JAG2: variants seen among roughly 807,000 people sequenced by gnomAD.
JAG2 encodes protein jagged-2.
In JAG2, 46 loss-of-function variants were observed where a neutral mutation model predicts 141.7. The ratio of observed to expected loss-of-function variants is 0.32; its 90% CI spans 0.26 to 0.42. The LOEUF (loss-of-function observed/expected upper bound fraction) is 0.42, where lower values mean the gene tolerates loss of function less well. Among genes scored for constraint, JAG2 ranks in the 10% least tolerant of loss-of-function variants. JAG2 has a pLI of 1.00. For missense variants in JAG2, 1,500 were observed against 1,817.5 expected (o/e 0.83, Z 3.18); for synonymous variants, 862 against 763.5 (o/e 1.13, Z -2.13).
chr14:105,150,283 C>T (rs957932970), intron 12 of JAG2, among the ~76,000 whole-genome samples: 2 of 152,108 alleles, frequency 1.3e-5, no homozygotes, highest in Admixed American at 1.3e-4. Flanking sequence ...GTGCTCTGCC[C>T]ACCAGAGCCC....
Position 105,151,730 on chromosome 14 carries a change from G to A in JAG2, c.1049C>T (p.Ala350Val). 1.2e-6 allele frequency: 2 copies of A among 1,609,764 alleles called. No individual in the cohort carries two copies. Among genetic ancestry groups the A allele is most frequent in the East Asian group, 2.2e-5 (1 of 44,736 alleles). The stretch of plus-strand genomic sequence containing the variant: ...GTTGGCACACGGGTTGGAGGTGCAG[G>A]CGTGCTCAGCTGTAGAACCGCGGGG... ...SGRNCEKAEH[A>V]CTSNPCANGG... is the part of the protein sequence containing the mutation. The change falls in exon 8 of 26, where the codon GCC becomes GTC. Residue 350 changes from alanine to valine, a missense_variant. Ala to Val is a moderately conservative substitution (Grantham distance 64). Around this residue, in one of 3 missense-constraint regions of JAG2, gnomAD observed 875 missense variants for 1,202.2 expected, o/e 0.73. Coordinates refer to ENST00000331782, the MANE Select transcript of JAG2 (RefSeq NM_002226.5).
At position 105,149,030 on chromosome 14, in the gene JAG2, C is replaced by T. The variant is rs1020191973; in HGVS notation, c.1813G>A (p.Val605Met). Residue 605 changes from valine (V) to methionine (M), a missense_variant, in exon 14 of 26, where the codon GTG becomes ATG. Transcript: ENST00000331782. The stretch of plus-strand genomic sequence containing the variant: ...ACGCAGCGTCCATGGGGGCCACACA[C>T]GCCGGAGGCTGCTGTGCCAGGCATC... Reference protein sequence around the residue: ...PGMPGTAASGVCGPHGRCVSQ... With the variant: ...PGMPGTAASGMCGPHGRCVSQ... 5.0e-6 allele frequency: 8 copies of T among 1,607,094 alleles called. No individual in the cohort carries two copies. The Admixed American group carries it at 5.0e-5, about 10-fold the overall frequency.
intron 2 of JAG2, among the ~76,000 whole-genome samples, chr14:105,159,630 T>A (rs1372094427): frequency 1.4e-5 from 1 of 71,974 alleles, no homozygotes; most frequent in East Asian, 4.3e-4. Context: ...TCAATCCACA[T>A]CCCCCAACGG....
At chr14:105,148,619 G>A in intron 15 of JAG2, 126 bp downstream of exon 15, 1 of 966,556 alleles carries the variant, frequency 1.0e-6, no homozygotes, top group Non-Finnish European at 1.6e-6. Context: ...CATGGTGGCA[G>A]CACCCCCTGG....
chr14:105,146,818 G>A, intron 20 of JAG2, 94 bp from the exon 21 acceptor site: 1 of 993,118 alleles, frequency 1.0e-6, no homozygotes, highest in South Asian at 1.4e-5. Context: ...GTGGCACACA[G>A]GCGCAAGCCC....
chr14:105,144,398 C>T (rs189709031), intron 24 of JAG2, among the ~76,000 whole-genome samples: 1 of 152,274 alleles, frequency 6.6e-6, no homozygotes. Context: ...CACTGCACGT[C>T]CTTCCTGTGC....
rs755732041 is a variant in JAG2 at position 105,147,878 on chromosome 14, G to A, written c.2259C>T (p.Ser753=). The A allele has an allele frequency of 1.1e-5, 17 of 1,551,532 alleles. No individual in the cohort carries two copies. The highest frequency in any genetic ancestry group is 1.5e-5 in the Non-Finnish European group (17 of 1,148,726). The part of the protein sequence containing the change: ...KGSTCAVAKN[S]SCLPNPCVNG... ...TCACACAGGGGTTGGGCAGGCAGCT[G>A]CTGTTCTTGGCTGTAAGGAGAGGAG... The change falls in exon 18 of 26, where the codon AGC becomes AGT. Residue 753 remains serine (S), a synonymous_variant. Transcript: ENST00000331782.
At chr14:105,165,695 G>A (rs900742957) in intron 2 of JAG2, among the ~76,000 whole-genome samples, 1 of 152,160 alleles carries the variant, frequency 6.6e-6, no homozygotes, top group Non-Finnish European at 1.5e-5. Context: ...AGGGGGTGGA[G>A]GGAGCGAATG....
intron 2 of JAG2, among the ~76,000 whole-genome samples, chr14:105,165,180 G>A (rs587612241): frequency 6.6e-6 from 1 of 152,174 alleles, no homozygotes; most frequent in South Asian, 2.1e-4. Context: ...GGCTGCCCAG[G>A]TCACGGCCAA....
intron 2 of JAG2, among the ~76,000 whole-genome samples, chr14:105,164,120 T>C (rs1888840118): frequency 1.1e-5 from 1 of 90,274 alleles, no homozygotes; most frequent in Non-Finnish European, 2.1e-5. Flanking sequence ...CCTCCCAGCC[T>C]TCCTATCGTG....
intron 15 of JAG2, 148 bp downstream of exon 15, chr14:105,148,597 G>A (rs1888306457): frequency 1.1e-6 from 1 of 879,712 alleles, no homozygotes; most frequent in Non-Finnish European, 1.8e-6. Context: ...GGGGCAGCCT[G>A]GGACTCCACC....
At chr14:105,151,178 C>CGCAGCCCA (rs1888413747) in intron 9 of JAG2, 74 bp from the exon 10 acceptor site, 2 of 1,379,330 alleles carry the variant, frequency 1.4e-6, no homozygotes, top group South Asian at 1.2e-5. Flanking sequence ...ACCTGGCACC[C>CGCAGCCCA]GCAGCCCAGC....
In JAG2 at chr14:105,149,256, C is replaced by T. The variant is rs150669646; in HGVS notation, c.1667G>A (p.Gly556Asp). 5.6e-6 allele frequency: 9 copies of T among 1,612,546 alleles called. 1 individual carries two copies. Among genetic ancestry groups the T allele is most frequent in the South Asian group, 5.5e-5 (5 of 91,088 alleles). ...RNGARCYNLEGDYYCACPDDF... is the reference protein window; with the variant it reads ...RNGARCYNLEDDYYCACPDDF... Reference sequence around the variant, plus strand: ...ATCAGGGCAGGCGCAGTAATAGTCACCCTCCAGGTTATAGCAGCGAGCGCC... The same window carrying T: ...ATCAGGGCAGGCGCAGTAATAGTCATCCTCCAGGTTATAGCAGCGAGCGCC... The change falls in exon 13 of 26, where the codon GGT becomes GAT. Residue 556 changes from glycine to aspartate, a missense_variant. Coordinates refer to ENST00000331782, the MANE Select transcript of JAG2 (RefSeq NM_002226.5).
At chr14:105,153,693 G>A (rs587694319) in intron 5 of JAG2, among the ~76,000 whole-genome samples, 11 of 152,292 alleles carry the variant, frequency 7.2e-5, no homozygotes, top group African/African-American at 1.9e-4. Context: ...CAGCAAGAGG[G>A]GCAGGCGGAG....
At position 105,147,489 on chromosome 14, in the gene JAG2, G is replaced by A. The variant is rs1888261036; in HGVS notation, c.2393+11C>T. On this transcript the variant is annotated intron_variant, in intron 19 of 25. Coordinates refer to ENST00000331782, the MANE Select transcript of JAG2 (RefSeq NM_002226.5). ...ACCCACCCCTGCTGTGGCCCCCAGG[G>A]TGCCACTCACCAAGGCAGAGGGTTG... 4 of 1,611,652 alleles carry A rather than the reference G, an allele frequency of 2.5e-6. No individual in the cohort carries two copies. The highest frequency in any genetic ancestry group is 2.2e-5 in the South Asian group (2 of 91,058).
intron 12 of JAG2, among the ~76,000 whole-genome samples, chr14:105,149,566 G>A (rs1006536007): frequency 6.6e-6 from 1 of 151,910 alleles, no homozygotes; most frequent in African/African-American, 2.4e-5. Flanking sequence ...CTGTCCCTCG[G>A]GAGGAGTGTG....
intron 8 of JAG2, 62 bp downstream of exon 8, chr14:105,151,564 C>T: frequency 7.0e-7 from 1 of 1,430,408 alleles, no homozygotes; most frequent in Non-Finnish European, 9.7e-7. Flanking sequence ...CAGCGAGTTG[C>T]CCCACTCCCA....
chr14:105,156,164 C>T (rs899466700), intron 3 of JAG2, among the ~76,000 whole-genome samples, 175 bp from the exon 4 acceptor site: 1 of 151,764 alleles, frequency 6.6e-6, no homozygotes, highest in African/African-American at 2.4e-5. Flanking sequence ...CTCAGGGCCC[C>T]GAGAGGCCTC....
chr14:105,155,901 C>T lies in JAG2; in HGVS notation c.564G>A (p.Ala188=), dbSNP rs780389471. 37 of 1,611,940 alleles carry T rather than the reference C, an allele frequency of 2.3e-5. No homozygotes were observed. In the East Asian group the frequency reaches 3.3e-4, roughly 15 times the overall value. ...GCACGCGGATCTGCAGCTCCAGGTG[C>T]GCCACGTGGCCGCTGAAGTGCAGGC... is the stretch of plus-strand genomic sequence containing the variant. ...WKSLHFSGHV[A]HLELQIRVRC... is the part of the protein sequence containing the mutation. Residue 188 remains alanine, a synonymous_variant, in exon 4 of 26, where the codon GCG becomes GCA. Coordinates refer to ENST00000331782, the MANE Select transcript of JAG2 (RefSeq NM_002226.5).
Sources: gnomAD v4.1 joint callset for allele counts (sites outside exome capture counted in the v4.1 genomes callset) on GRCh38, gnomAD v4.1.1 for gene constraint, gnomAD v4.1.1 regional missense constraint, MANE v1.5 for transcripts, NCBI Gene and HGNC (gene_info 2026-07-23, HGNC 2026-07-21) for gene names.